Variants in CACNA2D1 observed in about 807,000 individuals in gnomAD.
CACNA2D1 encodes voltage-dependent calcium channel subunit alpha-2/delta-1.
Under a neutral mutation model 171.5 loss-of-function variants are expected in CACNA2D1, and 53 were observed. That is an observed-to-expected ratio of 0.31 (90% confidence interval 0.25 to 0.39). The LOEUF (loss-of-function observed/expected upper bound fraction) is 0.39. Among genes scored for constraint, CACNA2D1 ranks in the 10% least tolerant of loss-of-function variants. The probability of loss-of-function intolerance (pLI) is 1.00; values close to 1 mark genes in which losing one functional copy is unlikely to be tolerated. For synonymous variants in CACNA2D1, 442 were observed against 443.1 expected, an observed-to-expected ratio of 1.00 and a Z score of 0.03; for missense variants, 903 against 1,299.8, an observed-to-expected ratio of 0.69 and a Z score of 4.69.
intron 3 of CACNA2D1, among the ~76,000 whole-genome samples, chr7:82,247,812 A>G (rs1805112724): frequency 1.3e-5 from 2 of 152,226 alleles, no homozygotes; most frequent in Admixed American, 6.5e-5. Flanking sequence ...TTGGAAAGAA[A>G]AAAATACTGT....
intron 1 of CACNA2D1, among the ~76,000 whole-genome samples, chr7:82,404,589 T>C (rs771331089): frequency 5.8e-4 from 88 of 152,362 alleles, no homozygotes; most frequent in Middle Eastern, 3.4e-3. Context: ...TCTTGCACAC[T>C]TGTTTTTGTA....
At chr7:82,394,078 T>C (rs1019175618) in intron 1 of CACNA2D1, among the ~76,000 whole-genome samples, 2 of 152,136 alleles carry the variant, frequency 1.3e-5, no homozygotes, top group African/African-American at 4.8e-5. Context: ...GCATATTAAG[T>C]TCGCCAATAG....
At chr7:81,986,154 T>C (rs1796944923) in intron 21 of CACNA2D1, among the ~76,000 whole-genome samples, 1 of 152,186 alleles carries the variant, frequency 6.6e-6, no homozygotes, top group South Asian at 2.1e-4. Flanking sequence ...TGCTATGCTT[T>C]GAATATAGAA....
At chr7:82,137,675 T>A (rs1584882058) in intron 4 of CACNA2D1, among the ~76,000 whole-genome samples, 1 of 134,346 alleles carries the variant, frequency 7.4e-6, no homozygotes, top group Non-Finnish European at 1.5e-5. Flanking sequence ...ATCGAGACCA[T>A]CCTGGCTAAT....
chr7:82,044,436 G>A (rs1804311093), intron 10 of CACNA2D1, among the ~76,000 whole-genome samples: 1 of 152,106 alleles, frequency 6.6e-6, no homozygotes, highest in African/African-American at 2.4e-5. Context: ...GTGCAAAATT[G>A]TTGGCTCAAG....
At chr7:82,334,746 G>C (rs1177132505) in intron 3 of CACNA2D1, among the ~76,000 whole-genome samples, 1 of 152,006 alleles carries the variant, frequency 6.6e-6, no homozygotes, top group Non-Finnish European at 1.5e-5. Flanking sequence ...AAGGGTGATG[G>C]AATAAGAGAC....
intron 4 of CACNA2D1, among the ~76,000 whole-genome samples, chr7:82,146,779 G>C (rs975720991): frequency 6.6e-6 from 1 of 150,828 alleles, no homozygotes; most frequent in Admixed American, 6.6e-5. Context: ...CTGAGGTCAG[G>C]AATTTGACAA....
chr7:82,066,810 A>G (rs935510049), intron 7 of CACNA2D1, among the ~76,000 whole-genome samples: 3 of 152,134 alleles, frequency 2.0e-5, no homozygotes, highest in Non-Finnish European at 4.4e-5. Context: ...ATGTTTTAGT[A>G]GGTGTCCAGA....
chr7:82,401,187 G>A (rs1003259345), intron 1 of CACNA2D1, among the ~76,000 whole-genome samples: 18 of 152,044 alleles, frequency 1.2e-4, no homozygotes, highest in South Asian at 6.2e-4. Flanking sequence ...ACCATTTGAC[G>A]AAGCCATCCC....
At chr7:82,057,768 G>A (rs1038791672) in intron 10 of CACNA2D1, among the ~76,000 whole-genome samples, 3 of 152,122 alleles carry the variant, frequency 2.0e-5, no homozygotes, top group Admixed American at 6.6e-5. Context: ...CCCAGGAGGA[G>A]TAAGAGTCTG....
In CACNA2D1 at chr7:81,994,863, CT is replaced by C; in HGVS notation, c.1734+4del. 2 of 1,355,908 alleles carry C rather than the reference CT, an allele frequency of 1.5e-6. No homozygotes were observed. Among genetic ancestry groups the C allele is most frequent in the Non-Finnish European group, 2.1e-6 (2 of 945,160 alleles). The allele number at this position is 1,355,908 out of a possible 1,614,324, so 84.0% of individuals were successfully genotyped here. On this transcript the variant is annotated splice_donor_region_variant and intron_variant, in intron 20 of 38. Transcript: ENST00000356860. ...ATTTAAGAATAAGCTAGAATCAATT[CT>C]TACCTCATCTTGAGATTTAACCAGA...
At chr7:82,418,029 C>T (rs1032272608) in intron 1 of CACNA2D1, among the ~76,000 whole-genome samples, 1 of 152,134 alleles carries the variant, frequency 6.6e-6, no homozygotes, top group Admixed American at 6.6e-5. Flanking sequence ...CTGCCCAGGA[C>T]TGGGTAATTT....
chr7:82,013,537 CATAA>C, intron 13 of CACNA2D1, 27 bp from the exon 14 acceptor site: 1 of 807,328 alleles, frequency 1.2e-6, no homozygotes, highest in Non-Finnish European at 1.7e-6. Context: ...TGTTTTTATA[CATAA>C]ATGTTACTTT....
At chr7:82,120,917 A>G (rs1287931188) in intron 5 of CACNA2D1, among the ~76,000 whole-genome samples, 1 of 151,876 alleles carries the variant, frequency 6.6e-6, no homozygotes, top group East Asian at 1.9e-4. Flanking sequence ...TACTTTAAAC[A>G]TTACTTTTTA....
At chr7:82,024,305 C>T (rs1044872612) in intron 12 of CACNA2D1, among the ~76,000 whole-genome samples, 1 of 151,654 alleles carries the variant, frequency 6.6e-6, no homozygotes, top group African/African-American at 2.4e-5. Context: ...CCACATCCTC[C>T]CCAACACTTG....
intron 3 of CACNA2D1, among the ~76,000 whole-genome samples, chr7:82,227,847 A>C (rs1449379137): frequency 6.6e-6 from 1 of 152,328 alleles, no homozygotes; most frequent in Non-Finnish European, 1.5e-5. Context: ...CATACTAAGT[A>C]TAATAAATAA....
At chr7:82,380,950 C>T (rs1823628726) in intron 1 of CACNA2D1, among the ~76,000 whole-genome samples, 1 of 151,994 alleles carries the variant, frequency 6.6e-6, no homozygotes, top group African/African-American at 2.4e-5. Flanking sequence ...CTGCCTTGGC[C>T]TCCCAAAGTG....
At chr7:82,218,562 T>C (rs1161545726) in intron 3 of CACNA2D1, among the ~76,000 whole-genome samples, 1 of 151,756 alleles carries the variant, frequency 6.6e-6, no homozygotes, top group African/African-American at 2.4e-5. Flanking sequence ...CTACACCACA[T>C]ATTTGTAGAT....
chr7:82,044,067 A>G (rs1804261028), intron 10 of CACNA2D1, among the ~76,000 whole-genome samples: 1 of 152,202 alleles, frequency 6.6e-6, no homozygotes, highest in Non-Finnish European at 1.5e-5. Context: ...AGTTTTAAAA[A>G]TGAGAAAGGG....
Sources: gnomAD v4.1 joint callset for allele counts (sites outside exome capture counted in the v4.1 genomes callset) on GRCh38, gnomAD v4.1.1 for gene constraint, MANE v1.5 for transcripts, NCBI Gene and HGNC (gene_info 2026-07-23, HGNC 2026-07-21) for gene names.